Variants in ZNF385D observed in about 807,000 individuals in gnomAD.
ZNF385D encodes zinc finger protein 385D.
ZNF385D carries 15 observed loss-of-function variants against 35.8 expected under a neutral mutation model. The ratio of observed to expected loss-of-function variants is 0.42; its 90% CI spans 0.28 to 0.64. The LOEUF (loss-of-function observed/expected upper bound fraction) is 0.64, where lower values mean the gene tolerates loss of function less well. Ranked by LOEUF, ZNF385D falls within the 30% of genes least tolerant of loss-of-function variation. The probability of loss-of-function intolerance (pLI) is 0.23; values close to 1 mark genes in which losing one functional copy is unlikely to be tolerated. For synonymous variants in ZNF385D, 212 were observed against 186.8 expected, an observed-to-expected ratio of 1.13 and a Z score of -1.10; for missense variants, 474 against 494.6, an observed-to-expected ratio of 0.96 and a Z score of 0.39.
intron 2 of ZNF385D, among the ~76,000 whole-genome samples, chr3:21,643,333 G>A (rs552097249): frequency 6.6e-5 from 10 of 152,198 alleles, no homozygotes; most frequent in Non-Finnish European, 1.5e-4. Context: ...TGTTAAATAA[G>A]AAGGTGAGTA....
intron 2 of ZNF385D, among the ~76,000 whole-genome samples, chr3:21,651,279 CT>C (rs2065904675): frequency 1.1e-5 from 1 of 90,242 alleles, no homozygotes; most frequent in Admixed American, 2.0e-4. Context: ...CAGAGCGAGA[CT>C]TCATCTCAAA....
chr3:21,928,369 A>G (rs890816797), intron 3 of ZNF385D, among the ~76,000 whole-genome samples: 3 of 151,440 alleles, frequency 2.0e-5, no homozygotes, highest in Admixed American at 2.0e-4. Context: ...GAAGGAAAGG[A>G]AAGGAAAGCA....
intron 2 of ZNF385D, among the ~76,000 whole-genome samples, chr3:21,625,185 TAAG>T (rs889023055): frequency 1.9e-4 from 29 of 152,098 alleles, no homozygotes; most frequent in African/African-American, 6.0e-4. Context: ...ACTTTATAAA[TAAG>T]AAGCAAAGGA....
At chr3:22,320,145 C>T (rs896309701) in intron 2 of ZNF385D, among the ~76,000 whole-genome samples, 1 of 151,820 alleles carries the variant, frequency 6.6e-6, no homozygotes, top group African/African-American at 2.4e-5. Context: ...ATCATTTACA[C>T]CAATAAGGTC....
At chr3:21,778,984 A>G (rs2071395198) in intron 3 of ZNF385D, among the ~76,000 whole-genome samples, 1 of 151,988 alleles carries the variant, frequency 6.6e-6, no homozygotes, top group Non-Finnish European at 1.5e-5. Context: ...ATTTTGCCCC[A>G]TGGAGAACCA....
chr3:21,657,651 T>C (rs1168240247), intron 2 of ZNF385D, among the ~76,000 whole-genome samples: 2 of 151,948 alleles, frequency 1.3e-5, no homozygotes, highest in East Asian at 1.9e-4. Flanking sequence ...ATTTTTCACC[T>C]GAAAAGTTTC....
At chr3:22,322,992 T>C (rs1378017642) in intron 2 of ZNF385D, among the ~76,000 whole-genome samples, 2 of 152,212 alleles carry the variant, frequency 1.3e-5, no homozygotes, top group African/African-American at 2.4e-5. Context: ...CTTTGGGATC[T>C]GTAGGACTGT....
chr3:21,500,481 G>C (rs1382296665), intron 4 of ZNF385D, among the ~76,000 whole-genome samples: 1 of 152,160 alleles, frequency 6.6e-6, no homozygotes, highest in Admixed American at 6.5e-5. Context: ...CAGAAGCCTA[G>C]AAGTAGGAAT....
At chr3:21,802,939 T>C (rs961812930) in intron 3 of ZNF385D, among the ~76,000 whole-genome samples, 3 of 152,044 alleles carry the variant, frequency 2.0e-5, no homozygotes, top group Admixed American at 2.0e-4. Context: ...TGTTGGGAAG[T>C]AGGACAAGGA....
chr3:21,486,696 A>G (rs975994921), intron 4 of ZNF385D, among the ~76,000 whole-genome samples: 1 of 152,142 alleles, frequency 6.6e-6, no homozygotes, highest in South Asian at 2.1e-4. Context: ...ATTAGGTCAC[A>G]TCTAGTACGA....
chr3:22,126,694 T>C (rs925700866), intron 3 of ZNF385D, among the ~76,000 whole-genome samples: 1 of 152,168 alleles, frequency 6.6e-6, no homozygotes, highest in African/African-American at 2.4e-5. Flanking sequence ...ATATATTAGG[T>C]CCATTTGGTC....
intron 1 of ZNF385D, among the ~76,000 whole-genome samples, chr3:21,737,466 T>TATACACACAC (rs139213948): frequency 3.4e-5 from 5 of 149,072 alleles, no homozygotes; most frequent in African/African-American, 9.9e-5. Flanking sequence ...GGGATATATA[T>TATACACACAC]ACACACACAC....
chr3:21,484,507 C>G (rs571182433), intron 4 of ZNF385D, among the ~76,000 whole-genome samples: 1 of 152,188 alleles, frequency 6.6e-6, no homozygotes, highest in East Asian at 1.9e-4. Flanking sequence ...TCCAGTGCCC[C>G]CTGCTGACAA....
intron 3 of ZNF385D, among the ~76,000 whole-genome samples, chr3:21,548,214 C>A (rs1432550507): frequency 6.6e-6 from 1 of 152,130 alleles, no homozygotes; most frequent in East Asian, 1.9e-4. Flanking sequence ...AGAACCCAGT[C>A]TTTAACTGAA....
At chr3:21,651,705 A>G (rs1358933536) in intron 2 of ZNF385D, among the ~76,000 whole-genome samples, 1 of 152,158 alleles carries the variant, frequency 6.6e-6, no homozygotes, top group Non-Finnish European at 1.5e-5. Context: ...TGTGACACAT[A>G]TAGTGGGATT....
chr3:22,037,370 C>T (rs1317007636), intron 3 of ZNF385D, among the ~76,000 whole-genome samples: 7 of 150,742 alleles, frequency 4.6e-5, no homozygotes, highest in Non-Finnish European at 7.4e-5. Flanking sequence ...CTCTCCAGCA[C>T]CTGTTGTTTC....
intron 3 of ZNF385D, among the ~76,000 whole-genome samples, chr3:22,027,521 G>A (rs922684759): frequency 1.3e-5 from 2 of 152,174 alleles, no homozygotes; most frequent in Non-Finnish European, 2.9e-5. Flanking sequence ...ATCTTCTGCA[G>A]ATAACTACTC....
chr3:22,272,564 G>C (rs887395479), intron 2 of ZNF385D, among the ~76,000 whole-genome samples: 2 of 151,970 alleles, frequency 1.3e-5, no homozygotes, highest in Non-Finnish European at 2.9e-5. Flanking sequence ...AAGCAGCCTT[G>C]TAAAACCTGT....
intron 3 of ZNF385D, among the ~76,000 whole-genome samples, chr3:22,023,282 A>G (rs1322654339): frequency 6.6e-6 from 1 of 152,132 alleles, no homozygotes; most frequent in Non-Finnish European, 1.5e-5. Context: ...CTCAACTCAC[A>G]TTTATGCTTG....
Sources: allele counts gnomAD v4.1 joint callset (sites outside exome capture counted in the v4.1 genomes callset), GRCh38; gene constraint gnomAD v4.1.1; transcripts MANE v1.5; gene names NCBI Gene and HGNC (gene_info 2026-07-23, HGNC 2026-07-21).